Variants in CEP128 observed in about 807,000 individuals in gnomAD.
The protein encoded by CEP128 is centrosomal protein 128kDa.
In CEP128, 132 loss-of-function variants were observed where a neutral mutation model predicts 156.7. The ratio of observed to expected loss-of-function variants is 0.84; its 90% CI spans 0.73 to 0.97. The LOEUF (loss-of-function observed/expected upper bound fraction) is 0.97. Ranked by LOEUF, CEP128 falls within the 50% of genes least tolerant of loss-of-function variation. The pLI, the probability that CEP128 is intolerant of heterozygous loss-of-function variation, is 0.00. For missense variants in CEP128, 1,252 were observed against 1,281.9 expected (o/e 0.98, Z 0.36); for synonymous variants, 469 against 448.9 (o/e 1.04, Z -0.57).
chr14:80,638,585 A>G (rs1038744956), intron 19 of CEP128, among the ~76,000 whole-genome samples: 8 of 152,000 alleles, frequency 5.3e-5, no homozygotes, highest in African/African-American at 1.9e-4. Flanking sequence ...ACTGTATTCT[A>G]CTCTAGAACA....
chr14:80,673,018 A>G (rs1055904216), intron 19 of CEP128, among the ~76,000 whole-genome samples: 2 of 152,222 alleles, frequency 1.3e-5, no homozygotes, highest in African/African-American at 4.8e-5. Flanking sequence ...CGTGATGGTT[A>G]GAAATCACCT....
Position 80,922,610 on chromosome 14 carries a change from A to T in CEP128, c.-15-6048T>A, listed in dbSNP as rs546368615. On this transcript the variant is annotated intron_variant, in intron 2 of 24. Coordinates refer to ENST00000555265, the MANE Select transcript of CEP128 (RefSeq NM_152446.5). ...ACGAATTAAAAATGGTTCACAAGTTATGTTTAATCACTATTATAATTTGAA... is the reference window on the plus strand; with the variant it reads ...ACGAATTAAAAATGGTTCACAAGTTTTGTTTAATCACTATTATAATTTGAA... Among the ~76,000 whole-genome samples, 341 of 152,364 alleles carry T rather than the reference A, an allele frequency of 2.2e-3. 4 individuals are homozygous for T. The highest frequency in any genetic ancestry group is 4.2e-3 in the Non-Finnish European group (285 of 68,022).
intron 24 of CEP128, among the ~76,000 whole-genome samples, chr14:80,504,416 C>A (rs1337741105): frequency 6.6e-6 from 1 of 152,142 alleles, no homozygotes; most frequent in African/African-American, 2.4e-5. Context: ...AGGGATAGAT[C>A]GTGGCAGATG....
chr14:80,516,783 T>C (rs1348692941), intron 23 of CEP128, among the ~76,000 whole-genome samples: 1 of 152,152 alleles, frequency 6.6e-6, no homozygotes, highest in Non-Finnish European at 1.5e-5. Flanking sequence ...AACACACAGA[T>C]TCTCTCTCCC....
intron 4 of CEP128, among the ~76,000 whole-genome samples, chr14:80,911,246 C>A (rs1298351867): frequency 6.6e-6 from 1 of 152,216 alleles, no homozygotes; most frequent in Non-Finnish European, 1.5e-5. Flanking sequence ...CGCCTATAAT[C>A]CCAGCACTTT....
chr14:80,482,122 G>A (rs528468980), intron 14 of CEP128, among the ~76,000 whole-genome samples: 1 of 150,826 alleles, frequency 6.6e-6, no homozygotes, highest in East Asian at 1.9e-4. Flanking sequence ...TTTTTTTTCT[G>A]TTAGATTGCA....
chr14:80,858,998 AG>A (rs1405614279), intron 9 of CEP128, among the ~76,000 whole-genome samples: 1 of 151,974 alleles, frequency 6.6e-6, no homozygotes, highest in African/African-American at 2.4e-5. Flanking sequence ...GCGATTCCTC[AG>A]GGATCTAGAA....
chr14:80,644,103 G>A (rs1023827616), intron 19 of CEP128, among the ~76,000 whole-genome samples: 3 of 152,116 alleles, frequency 2.0e-5, no homozygotes, highest in Admixed American at 1.3e-4. Flanking sequence ...GCCAAGTAAC[G>A]CTAAAGATTG....
chr14:80,906,569 C>T (rs1883895858), intron 4 of CEP128, among the ~76,000 whole-genome samples: 1 of 152,122 alleles, frequency 6.6e-6, no homozygotes, highest in African/African-American at 2.4e-5. Flanking sequence ...CAGAGTACCT[C>T]TTTCAGTCAT....
At chr14:80,953,510 G>T (rs1408983132) in intron 2 of CEP128, among the ~76,000 whole-genome samples, 2 of 152,278 alleles carry the variant, frequency 1.3e-5, no homozygotes, top group African/African-American at 4.8e-5. Flanking sequence ...CCTTGAGCCC[G>T]GGAGGCGGAG....
chr14:80,910,063 G>A (rs572090521), intron 4 of CEP128, among the ~76,000 whole-genome samples: 18 of 152,202 alleles, frequency 1.2e-4, no homozygotes, highest in African/African-American at 4.1e-4. Context: ...GATACCAAAT[G>A]ATGATCCTAT....
chr14:80,689,373 C>T (rs1005633003), intron 19 of CEP128, among the ~76,000 whole-genome samples: 2 of 149,916 alleles, frequency 1.3e-5, no homozygotes, highest in South Asian at 2.1e-4. Flanking sequence ...GATCAAGCTA[C>T]ATCAAGCTAA....
chr14:80,625,175 G>A (rs1204996999), intron 19 of CEP128, among the ~76,000 whole-genome samples: 1 of 152,032 alleles, frequency 6.6e-6, no homozygotes, highest in African/African-American at 2.4e-5. Context: ...CTTTATTAAC[G>A]AGGCACTTTT....
At chr14:80,624,323 C>T (rs116923176) in intron 19 of CEP128, among the ~76,000 whole-genome samples, 114 of 152,176 alleles carry the variant, frequency 7.5e-4, no homozygotes, top group Admixed American at 1.9e-3. Flanking sequence ...ATCCATTCAT[C>T]TGTTGATGGA....
intron 12 of CEP128, among the ~76,000 whole-genome samples, chr14:80,831,884 A>G (rs969457510): frequency 6.6e-6 from 1 of 152,182 alleles, no homozygotes; most frequent in Non-Finnish European, 1.5e-5. Context: ...ACAAATAACA[A>G]AACTTCATCC....
At chr14:80,539,279 G>A (rs1178329919) in intron 21 of CEP128, among the ~76,000 whole-genome samples, 1 of 152,096 alleles carries the variant, frequency 6.6e-6, no homozygotes, top group African/African-American at 2.4e-5. Flanking sequence ...TAGACACAGG[G>A]GTCTGTGACA....
intron 13 of CEP128, chr14:80,830,247 C>T (rs1229282112): frequency 1.5e-6 from 1 of 645,686 alleles, no homozygotes; most frequent in African/African-American, 1.8e-5. Flanking sequence ...CAATCCAAAT[C>T]TTGAACCAAA....
Position 80,785,510 on chromosome 14 carries a change from C to G in CEP128, c.1596G>C (p.Leu532=). The change falls in exon 15 of 25, where the codon CTG becomes CTC. Residue 532 remains leucine, a synonymous_variant. Coordinates refer to ENST00000555265, the MANE Select transcript of CEP128 (RefSeq NM_152446.5). ...TCTCTATTTGTTGTAATGCTGCATA[C>G]AGCTGGGTTTTCAATTCATCCTTTT... is the stretch of plus-strand genomic sequence containing the variant. The part of the protein sequence containing the change: ...LKEKDELKTQ[L]YAALQQIENL... The G allele has an allele frequency of 2.5e-6, 4 of 1,611,978 alleles. No individual in the cohort carries two copies. The highest frequency in any genetic ancestry group is 3.4e-6 in the Non-Finnish European group (4 of 1,179,128).
intron 20 of CEP128, among the ~76,000 whole-genome samples, chr14:80,573,113 C>G (rs917848323): frequency 2.0e-5 from 3 of 146,932 alleles, no homozygotes; most frequent in East Asian, 2.0e-4. Context: ...TTAGTAGAGA[C>G]GGGGTTTCAC....
Sources: gnomAD v4.1 joint callset for allele counts (sites outside exome capture counted in the v4.1 genomes callset) on GRCh38, gnomAD v4.1.1 for gene constraint, MANE v1.5 for transcripts, NCBI Gene and HGNC (gene_info 2026-07-23, HGNC 2026-07-21) for gene names.